The following SYT1 variants were observed in gnomAD, a reference collection of about 807,000 sequenced individuals.
SYT1 encodes synaptotagmin 1.
SYT1 carries 8 observed loss-of-function variants against 44.8 expected under a neutral mutation model. The ratio of observed to expected loss-of-function variants is 0.18; its 90% CI spans 0.10 to 0.32. SYT1 has a LOEUF of 0.32. Ranked by LOEUF, SYT1 falls within the 10% of genes least tolerant of loss-of-function variation. SYT1 has a pLI of 1.00. For synonymous variants in SYT1, 154 were observed against 188.8 expected, an observed-to-expected ratio of 0.82 and a Z score of 1.51; for missense variants, 286 against 509.3, an observed-to-expected ratio of 0.56 and a Z score of 4.22.
In SYT1 at chr12:79,203,036, G is replaced by A. The variant is rs546586008; in HGVS notation, c.-17-14467G>A. Among the ~76,000 whole-genome samples, 4 of 152,146 alleles carry A rather than the reference G, an allele frequency of 2.6e-5. No homozygotes were observed. In the East Asian group the frequency reaches 5.8e-4, roughly 22 times the overall value. On this transcript the variant is annotated intron_variant, in intron 3 of 10. Coordinates refer to ENST00000261205, the MANE Select transcript of SYT1 (RefSeq NM_005639.3). Reference sequence around the variant, plus strand: ...AGTCAGAGGCACATGTAGGTAAAGAGTATTAGCAACAAGGCAAGTTAGCTT... The same window carrying A: ...AGTCAGAGGCACATGTAGGTAAAGAATATTAGCAACAAGGCAAGTTAGCTT...
intron 8 of SYT1, among the ~76,000 whole-genome samples, chr12:79,349,001 AAGAAAGAAAG>A (rs1387083058): frequency 5.2e-5 from 1 of 19,182 alleles, no homozygotes; most frequent in East Asian, 4.6e-3. Flanking sequence ...GAGAGAAGGA[AAGAAAGAAAG>A]AAAGAAAGAA....
intron 3 of SYT1, among the ~76,000 whole-genome samples, chr12:79,087,260 G>A (rs1284710354): frequency 6.6e-6 from 1 of 152,152 alleles, no homozygotes; most frequent in Non-Finnish European, 1.5e-5. Flanking sequence ...AGGTTTATGG[G>A]ACAGCTATTA....
chr12:79,031,853 C>T (rs777178213), intron 2 of SYT1, among the ~76,000 whole-genome samples: 3 of 150,948 alleles, frequency 2.0e-5, no homozygotes, highest in Admixed American at 6.6e-5. Flanking sequence ...CTCCTGTACC[C>T]GTTTTTTCTT....
At chr12:78,970,742 G>C (rs190299744) in intron 1 of SYT1, among the ~76,000 whole-genome samples, 58 of 152,260 alleles carry the variant, frequency 3.8e-4, no homozygotes, top group Non-Finnish European at 1.8e-4. Context: ...ACATCACTGA[G>C]TAACTTAATT....
intron 4 of SYT1, among the ~76,000 whole-genome samples, chr12:79,235,679 T>C (rs1233829093): frequency 6.7e-6 from 1 of 149,684 alleles, no homozygotes; most frequent in Non-Finnish European, 1.5e-5. Flanking sequence ...GTCATTTCCA[T>C]AATATATATA....
intron 3 of SYT1, among the ~76,000 whole-genome samples, chr12:79,176,133 A>G (rs1871847239): frequency 1.3e-5 from 2 of 151,902 alleles, no homozygotes; most frequent in Admixed American, 1.3e-4. Context: ...TCTACTAAAA[A>G]TACAAAATTA....
chr12:79,444,289 A>C (rs889604052), intron 10 of SYT1, 83 bp downstream of exon 10: 15 of 1,503,048 alleles, frequency 1.0e-5, no homozygotes, highest in Non-Finnish European at 1.4e-5. Flanking sequence ...CTTGTAAGTT[A>C]TCAGTGCACA....
intron 1 of SYT1, among the ~76,000 whole-genome samples, chr12:78,872,918 C>T (rs865863324): frequency 5.9e-5 from 9 of 151,602 alleles, no homozygotes; most frequent in South Asian, 2.1e-4. Flanking sequence ...AAAGGGCTTG[C>T]GGATAATTTT....
intron 3 of SYT1, among the ~76,000 whole-genome samples, chr12:79,064,940 G>C (rs145074488): frequency 5.8e-5 from 7 of 119,790 alleles, no homozygotes; most frequent in Non-Finnish European, 7.1e-5. Flanking sequence ...AAGAAAGAAA[G>C]AAAGAAAGAA....
Position 79,451,167 on chromosome 12 carries a change from A to G in SYT1, c.*2043A>G, listed in dbSNP as rs956696142. 21 of 152,362 alleles carry G rather than the reference A, an allele frequency of 1.4e-4. No homozygotes were observed. Among genetic ancestry groups the G allele is most frequent in the African/African-American group, 3.8e-4 (16 of 41,594 alleles). 9.4% of individuals were successfully genotyped at this position (152,362 alleles called of 1,614,324 possible). A position where few individuals can be genotyped will look rare whatever the true frequency, so the allele number is the denominator to read the frequency against. On this transcript the variant is annotated 3_prime_UTR_variant, in exon 11 of 11. Coordinates refer to ENST00000261205, the MANE Select transcript of SYT1 (RefSeq NM_005639.3). ...ACTGTTTCCTTATCAAAGAAGGGGC[A>G]AGCTCTTTTGCCTTTTAGGCCAGAC... is the stretch of plus-strand genomic sequence containing the variant.
intron 3 of SYT1, among the ~76,000 whole-genome samples, chr12:79,052,651 A>C (rs1236455651): frequency 6.9e-6 from 1 of 144,170 alleles, no homozygotes; most frequent in African/African-American, 2.4e-5. Flanking sequence ...AACTCAAACA[A>C]ATTTACAAGA....
At chr12:79,303,481 C>A (rs1880245561) in intron 8 of SYT1, among the ~76,000 whole-genome samples, 2 of 151,658 alleles carry the variant, frequency 1.3e-5, no homozygotes, top group Admixed American at 6.6e-5. Context: ...TGTTTTGTTT[C>A]CATTAGAGAA....
intron 1 of SYT1, among the ~76,000 whole-genome samples, chr12:78,889,703 A>G (rs1262390251): frequency 2.0e-5 from 3 of 151,972 alleles, no homozygotes; most frequent in African/African-American, 7.2e-5. Context: ...TGAGATATTA[A>G]TAATTCTCAT....
At chr12:79,342,519 C>G (rs1247427792) in intron 8 of SYT1, among the ~76,000 whole-genome samples, 1 of 152,164 alleles carries the variant, frequency 6.6e-6, no homozygotes, top group African/African-American at 2.4e-5. Context: ...GAGTGAGATA[C>G]GATGCCTGTT....
intron 3 of SYT1, among the ~76,000 whole-genome samples, chr12:79,143,707 AT>A (rs745398080): frequency 2.2e-4 from 33 of 152,298 alleles, no homozygotes; most frequent in Non-Finnish European, 2.4e-4. Flanking sequence ...TAAAAATCAC[AT>A]TCTCTGATGA....
At chr12:79,203,888 C>T (rs1320144294) in intron 3 of SYT1, among the ~76,000 whole-genome samples, 2 of 152,084 alleles carry the variant, frequency 1.3e-5, no homozygotes, top group Non-Finnish European at 2.9e-5. Context: ...TGGCTGTATC[C>T]CCAGCCATTC....
intron 2 of SYT1, among the ~76,000 whole-genome samples, chr12:79,016,216 T>A (rs1466049684): frequency 6.6e-6 from 1 of 152,174 alleles, no homozygotes; most frequent in Non-Finnish European, 1.5e-5. Flanking sequence ...AGCATCTGTG[T>A]GAGGTAGGAC....
Position 79,308,652 on chromosome 12 carries a change from G to GA in SYT1, c.810+9104dup, listed in dbSNP as rs199883347. ...AGAAAGAAAGAAAGAAAGAAAGAAA[G>GA]AAAGAAAAGAGAAGGAAGCAATAGA... On this transcript the variant is annotated intron_variant, in intron 8 of 10. Coordinates refer to ENST00000261205, the MANE Select transcript of SYT1 (RefSeq NM_005639.3). 5.9e-3 allele frequency among the ~76,000 whole-genome samples: 640 copies of GA among 108,538 alleles called. 5 individuals are homozygous for GA. Among genetic ancestry groups the GA allele is most frequent in the African/African-American group, 0.016 (459 of 27,820 alleles). The allele number at this position is 108,538 out of a possible 152,430, so 71.2% of individuals were successfully genotyped here. A position where few individuals can be genotyped will look rare whatever the true frequency, so the allele number is the denominator to read the frequency against.
In SYT1 at chr12:79,123,308, A is replaced by AGTGTGTGTGTGTGTGTGT. The variant is rs763524667; in HGVS notation, c.-18+75946_-18+75947insGTGTGTGTGTGTGTGTGT. 5.3e-3 allele frequency among the ~76,000 whole-genome samples: 507 copies of AGTGTGTGTGTGTGTGTGT among 96,516 alleles called. 4 individuals carry two copies. Among genetic ancestry groups the AGTGTGTGTGTGTGTGTGT allele is most frequent in the Non-Finnish European group, 5.9e-3 (277 of 46,974 alleles). The allele number at this position is 96,516 out of a possible 152,430, so 63.3% of individuals were successfully genotyped here. Reference sequence around the variant, plus strand: ...CTGTTACATGTATCTCTAAAAATGCAATGTGTGTGTGTGTGTGTGTGTGTG... The same window carrying AGTGTGTGTGTGTGTGTGT: ...CTGTTACATGTATCTCTAAAAATGCAGTGTGTGTGTGTGTGTGTATGTGTGTGTGTGTGTGTGTGTGTG... On this transcript the variant is annotated intron_variant, in intron 3 of 10. Transcript: ENST00000261205.
Sources: gnomAD v4.1 joint callset for allele counts (sites outside exome capture counted in the v4.1 genomes callset) on GRCh38, gnomAD v4.1.1 for gene constraint, MANE v1.5 for transcripts, NCBI Gene and HGNC (gene_info 2026-07-23, HGNC 2026-07-21) for gene names.